The following GNAZ variants were observed in gnomAD, a reference collection of about 807,000 sequenced individuals.
GNAZ encodes the protein G protein subunit alpha z.
GNAZ carries 3 observed loss-of-function variants against 25.4 expected under a neutral mutation model. The ratio of observed to expected loss-of-function variants is 0.12; its 90% CI spans 0.05 to 0.30. The LOEUF (loss-of-function observed/expected upper bound fraction) is 0.30. Among genes scored for constraint, GNAZ ranks in the 10% least tolerant of loss-of-function variants. GNAZ has a pLI of 1.00. For synonymous variants in GNAZ, 211 were observed against 205.7 expected, an observed-to-expected ratio of 1.03 and a Z score of -0.22; for missense variants, 241 against 501.8, an observed-to-expected ratio of 0.48 and a Z score of 4.97.
chr22:23,076,794 T>C (rs1240373045), intron 1 of GNAZ, among the ~76,000 whole-genome samples: 2 of 152,222 alleles, frequency 1.3e-5, no homozygotes, highest in African/African-American at 4.8e-5. Context: ...GAGTGGCCTT[T>C]CCAGGTGGCC....
At chr22:23,115,466 C>A (rs1179651739) in intron 2 of GNAZ, among the ~76,000 whole-genome samples, 1 of 152,132 alleles carries the variant, frequency 6.6e-6, no homozygotes, top group African/African-American at 2.4e-5. Context: ...GGACTGCCTA[C>A]CTGCTGGGAG....
intron 1 of GNAZ, among the ~76,000 whole-genome samples, chr22:23,082,243 G>A (rs949390843): frequency 2.0e-5 from 3 of 151,718 alleles, no homozygotes; most frequent in African/African-American, 7.3e-5. Flanking sequence ...TTTGTTTTGA[G>A]TCTCGCCCTG....
chr22:23,076,012 G>A lies in GNAZ; in HGVS notation c.-450+5442G>A, dbSNP rs148156372. ...TGCCTTAGTAGGTCTGGGCAGCCCC[G>A]CATCTGGGCAGCATGGTCCCTCTCA... On this transcript the variant is annotated intron_variant, in intron 1 of 2. Transcript: ENST00000615612. Among the ~76,000 whole-genome samples the A allele has an allele frequency of 2.7e-3, 415 of 152,276 alleles. 3 individuals carry two copies. Among genetic ancestry groups the A allele is most frequent in the Middle Eastern group, 6.8e-3 (2 of 294 alleles).
In GNAZ at chr22:23,099,371, C is replaced by T. The variant is rs114308963; in HGVS notation, c.723+2953C>T. Among the ~76,000 whole-genome samples the T allele has an allele frequency of 8.7e-3, 1,330 of 152,380 alleles. 12 individuals carry two copies. The highest frequency in any genetic ancestry group is 0.031 in the African/African-American group (1,270 of 41,600). ...GTCCGAAGGAATTGGCAGTCCCTTGCCCTGACTAGGGCCAAGTCCTGCAGG... is the reference window on the plus strand; with the variant it reads ...GTCCGAAGGAATTGGCAGTCCCTTGTCCTGACTAGGGCCAAGTCCTGCAGG... On this transcript the variant is annotated intron_variant, in intron 2 of 2. Transcript: ENST00000615612.
In GNAZ at chr22:23,123,469, C is replaced by A; in HGVS notation, c.*38C>A. ...GGGGCCCGCCTGCCTATGGTGAAACCCACGGGGTGTCATGCCCCAACGCGT... is the reference window on the plus strand; with the variant it reads ...GGGGCCCGCCTGCCTATGGTGAAACACACGGGGTGTCATGCCCCAACGCGT... On this transcript the variant is annotated 3_prime_UTR_variant, in exon 3 of 3. Transcript: ENST00000615612. 2 of 1,405,582 alleles carry A rather than the reference C, an allele frequency of 1.4e-6. No individual in the cohort carries two copies. The highest frequency in any genetic ancestry group is 2.0e-6 in the Non-Finnish European group (2 of 1,005,472). The allele number at this position is 1,405,582 out of a possible 1,614,324, so 87.1% of individuals were successfully genotyped here.
chr22:23,080,545 A>G (rs1240801221), intron 1 of GNAZ, among the ~76,000 whole-genome samples: 3 of 152,212 alleles, frequency 2.0e-5, no homozygotes, highest in Non-Finnish European at 4.4e-5. Flanking sequence ...AGGCAAAGAA[A>G]GGAGGACCTG....
intron 2 of GNAZ, chr22:23,122,359 A>C (rs1384711791): frequency 1.3e-5 from 2 of 152,604 alleles, no homozygotes; most frequent in Non-Finnish European, 2.9e-5. Context: ...TGTCCTCTGC[A>C]TGTACTGAGA....
intron 2 of GNAZ, among the ~76,000 whole-genome samples, chr22:23,118,338 GCAGA>G (rs2069909988): frequency 6.6e-6 from 1 of 152,242 alleles, no homozygotes; most frequent in Admixed American, 6.5e-5. Flanking sequence ...AAATAAATGT[GCAGA>G]CAAACCCCAG....
intron 1 of GNAZ, among the ~76,000 whole-genome samples, chr22:23,094,815 C>T (rs1042876916): frequency 1.4e-4 from 21 of 152,340 alleles, no homozygotes; most frequent in African/African-American, 3.6e-4. Context: ...GTCAGGGAGG[C>T]GCTCAGTTAT....
chr22:23,113,448 G>A (rs1337187937), intron 2 of GNAZ, among the ~76,000 whole-genome samples: 1 of 152,234 alleles, frequency 6.6e-6, no homozygotes, highest in Admixed American at 6.5e-5. Context: ...GAGGGTAGAT[G>A]TAGGCCAAGA....
intron 1 of GNAZ, among the ~76,000 whole-genome samples, chr22:23,088,687 C>G (rs906479788): frequency 1.3e-5 from 2 of 152,222 alleles, no homozygotes; most frequent in Admixed American, 1.3e-4. Context: ...CCTGTTGCCA[C>G]CCCAAGCCTG....
intron 2 of GNAZ, among the ~76,000 whole-genome samples, chr22:23,099,747 G>A (rs1230483009): frequency 6.6e-6 from 1 of 152,240 alleles, no homozygotes; most frequent in Non-Finnish European, 1.5e-5. Flanking sequence ...AGCAAAGACA[G>A]TCACTCTGCT....
chr22:23,122,843 C>A (rs2070070523), intron 2 of GNAZ: 1 of 572,428 alleles, frequency 1.7e-6, no homozygotes, highest in African/African-American at 1.9e-5. Context: ...AGAGGAGAGA[C>A]CCAAAAGGGG....
At position 23,096,052 on chromosome 22, in the gene GNAZ, G is replaced by A. The variant is rs1253935293; in HGVS notation, c.357G>A (p.Glu119=). Residue 119 remains glutamate (E), a synonymous_variant, in exon 2 of 3, where the codon GAG becomes GAA. Transcript: ENST00000615612. The part of the protein sequence containing the change: ...ALTGPAESKG[E]ITPELLGVMR... Reference sequence around the variant, plus strand: ...CGGGCCCCGCTGAGAGCAAGGGCGAGATCACACCCGAGCTGCTGGGTGTCA... The same window carrying A: ...CGGGCCCCGCTGAGAGCAAGGGCGAAATCACACCCGAGCTGCTGGGTGTCA... 6.2e-7 allele frequency: 1 copy of A among 1,607,252 alleles called. No homozygotes were observed. Among genetic ancestry groups the A allele is most frequent in the Admixed American group, 1.7e-5 (1 of 60,012 alleles).
intron 1 of GNAZ, among the ~76,000 whole-genome samples, chr22:23,072,512 C>A (rs1427398360): frequency 6.6e-6 from 1 of 152,194 alleles, no homozygotes; most frequent in Admixed American, 6.5e-5. Flanking sequence ...AGTCAGCTCC[C>A]TCATTTCTGG....
intron 1 of GNAZ, among the ~76,000 whole-genome samples, chr22:23,087,359 G>A (rs952007939): frequency 6.6e-6 from 1 of 152,178 alleles, no homozygotes; most frequent in Non-Finnish European, 1.5e-5. Flanking sequence ...CCAGCTACTC[G>A]AGGCTCAGGT....
rs535926390 is a variant in GNAZ, at chr22:23,123,919, C to A, written c.*488C>A. 1 of 220,610 alleles carries A rather than the reference C, an allele frequency of 4.5e-6. No homozygotes were observed. The highest frequency in any genetic ancestry group is 1.1e-4 in the East Asian group (1 of 8,804). The allele number at this position is 220,610 out of a possible 1,614,324, so 13.7% of individuals were successfully genotyped here. On this transcript the variant is annotated 3_prime_UTR_variant, in exon 3 of 3. Coordinates refer to ENST00000615612, the MANE Select transcript of GNAZ (RefSeq NM_002073.4). ...CGCTGACCAAGAGGGAGGACCAGTG[C>A]AGGGTCTGTGCACCTTCCCTGCTGG...
intron 1 of GNAZ, among the ~76,000 whole-genome samples, chr22:23,072,341 A>G (rs1030691443): frequency 5.9e-5 from 9 of 152,092 alleles, no homozygotes; most frequent in African/African-American, 2.2e-4. Context: ...TGGATAAAAT[A>G]TGCGCCTTGA....
intron 1 of GNAZ, among the ~76,000 whole-genome samples, chr22:23,090,214 C>G (rs1748877167): frequency 6.6e-6 from 1 of 152,098 alleles, no homozygotes; most frequent in African/African-American, 2.4e-5. Context: ...CTGCCACTTT[C>G]TCCTAATATG....
Sources: allele counts gnomAD v4.1 joint callset (sites outside exome capture counted in the v4.1 genomes callset), GRCh38; gene constraint gnomAD v4.1.1; transcripts MANE v1.5; gene names NCBI Gene and HGNC (gene_info 2026-07-23, HGNC 2026-07-21).